The following BCAP31 variants were observed in gnomAD, a reference collection of about 807,000 sequenced individuals.
BCAP31 encodes B-cell receptor-associated protein 31.
For missense variants in BCAP31, 124 were observed against 193.0 expected (o/e 0.64, Z 2.12); for synonymous variants, 75 against 80.9 (o/e 0.93, Z 0.39).
At chrX:153,711,080 A>G (rs2091588211) in intron 4 of BCAP31, among the ~76,000 whole-genome samples, 1 of 111,812 alleles carries the variant, frequency 8.9e-6, no homozygotes, top group African/African-American at 3.3e-5. Context: ...AGGCCTGGCC[A>G]GAAGTCCCAC....
intron 1 of BCAP31, chrX:153,723,636 C>A (rs2148386498): frequency 1.7e-6 from 2 of 1,165,035 alleles, no homozygotes; most frequent in South Asian, 1.9e-5. Flanking sequence ...AGTGCCAGGG[C>A]ACCAAGAGGA....
intron 4 of BCAP31, among the ~76,000 whole-genome samples, chrX:153,707,593 G>A (rs782628573): frequency 7.1e-5 from 8 of 112,022 alleles, no homozygotes; most frequent in East Asian, 2.8e-4. Context: ...AGCAACAGAG[G>A]AGACAGAAGA....
At position 153,723,268 on chromosome X, in the gene BCAP31, AG is replaced by A; in HGVS notation, c.-25del. ...ATCCTGTTGCTAGAAGGTTTCCCAC[AG>A]GAAGATGTGAGCTTGTTTCCTGGCA... On this transcript the variant is annotated 5_prime_UTR_variant, in exon 2 of 8. Coordinates refer to ENST00000345046, the MANE Select transcript of BCAP31 (RefSeq NM_001256447.2). 8.3e-7 allele frequency: 1 copy of A among 1,204,658 alleles called. No homozygotes were observed. The highest frequency in any genetic ancestry group is 1.1e-6 in the Non-Finnish European group (1 of 891,606).
chrX:153,720,177 C>T (rs2091654930), intron 3 of BCAP31, among the ~76,000 whole-genome samples: 1 of 111,668 alleles, frequency 9.0e-6, no homozygotes, highest in African/African-American at 3.3e-5. Flanking sequence ...TGGTGAGCAG[C>T]ACTACTCAGA....
intron 4 of BCAP31, among the ~76,000 whole-genome samples, chrX:153,709,452 G>A (rs1419679175): frequency 1.8e-5 from 2 of 112,369 alleles, no homozygotes; most frequent in Non-Finnish European, 3.8e-5. Flanking sequence ...GAGTAAGGCA[G>A]AGAAGGCAGT....
At chrX:153,718,440 G>C (rs1408569701) in intron 3 of BCAP31, among the ~76,000 whole-genome samples, 1 of 110,809 alleles carries the variant, frequency 9.0e-6, no homozygotes, top group Non-Finnish European at 1.9e-5. Context: ...ACCAGCTCAG[G>C]CGTGGAATGC....
rs781811702 is a variant in BCAP31 at position 153,706,609 on chromosome X, A to G, written c.342-2515T>C. ...TTCCTCCCAGCCACTCTTATCCCCG[A>G]AAGGGTTTTCTCTGTGGCCCAGACT... is the stretch of plus-strand genomic sequence containing the variant. On this transcript the variant is annotated intron_variant, in intron 4 of 7. Coordinates refer to ENST00000345046, the MANE Select transcript of BCAP31 (RefSeq NM_001256447.2). Among the ~76,000 whole-genome samples the G allele has an allele frequency of 3.6e-5, 4 of 112,436 alleles. No individual in the cohort carries two copies. The South Asian group carries it at 1.5e-3, about 42-fold the overall frequency.
intron 4 of BCAP31, among the ~76,000 whole-genome samples, chrX:153,714,409 C>T (rs782582405): frequency 2.1e-4 from 23 of 111,125 alleles, no homozygotes; most frequent in Non-Finnish European, 3.6e-4. Context: ...TGACTCCTCC[C>T]AGCCTTCCTG....
intron 4 of BCAP31, chrX:153,705,318 C>T (rs2091546825): frequency 8.8e-6 from 1 of 113,172 alleles, no homozygotes; most frequent in Non-Finnish European, 1.9e-5. Flanking sequence ...CTCGGCAGAG[C>T]CCCTTTCCAG....
At chrX:153,705,214 T>G (rs2091546303) in intron 4 of BCAP31, 1 of 113,389 alleles carries the variant, frequency 8.8e-6, no homozygotes, top group Non-Finnish European at 1.9e-5. Flanking sequence ...TCACAGCCTC[T>G]GCTCATGGCC....
chrX:153,717,511 C>T (rs1314370106), intron 3 of BCAP31, among the ~76,000 whole-genome samples: 1 of 112,507 alleles, frequency 8.9e-6, no homozygotes, highest in African/African-American at 3.2e-5. Flanking sequence ...GATCCCAGCT[C>T]ACTGCAACCT....
At chrX:153,703,932 C>T in intron 5 of BCAP31, 27 bp downstream of exon 5, 1 of 1,207,630 alleles carries the variant, frequency 8.3e-7, no homozygotes, top group Non-Finnish European at 1.1e-6. Context: ...CAGGACGCCC[C>T]ATGGTGGGTC....
intron 3 of BCAP31, among the ~76,000 whole-genome samples, chrX:153,716,578 CA>C (rs782072647): frequency 0.014 from 384 of 27,343 alleles, 2 homozygotes; most frequent in African/African-American, 0.026. Flanking sequence ...TCTCTCTCAA[CA>C]AAAAAAAAAA....
At chrX:153,701,365 G>A (rs2091517031) in intron 7 of BCAP31, among the ~76,000 whole-genome samples, 1 of 112,897 alleles carries the variant, frequency 8.9e-6, no homozygotes, top group Non-Finnish European at 1.9e-5. Flanking sequence ...GAGGGCATGG[G>A]TGCCCCCTTT....
At chrX:153,722,541 T>C (rs188411126) in intron 2 of BCAP31, among the ~76,000 whole-genome samples, 2 of 112,260 alleles carry the variant, frequency 1.8e-5, no homozygotes, top group East Asian at 2.8e-4. Flanking sequence ...TCAAAGATAA[T>C]TTTTCACGAA....
chrX:153,715,337 G>A (rs2091619476), intron 4 of BCAP31: 2 of 481,991 alleles, frequency 4.1e-6, no homozygotes, highest in Non-Finnish European at 6.8e-6. Flanking sequence ...GATATTTCAG[G>A]CAGCCCTCTC....
chrX:153,718,317 C>CAAAAAA (rs60097594), intron 3 of BCAP31, among the ~76,000 whole-genome samples: 1 of 30,482 alleles, frequency 3.3e-5, no homozygotes, highest in Non-Finnish European at 6.6e-5. Flanking sequence ...GATTCCATCT[C>CAAAAAA]AAAAAAAAAA....
At chrX:153,721,466 A>G (rs1221239034) in intron 2 of BCAP31, among the ~76,000 whole-genome samples, 1 of 103,665 alleles carries the variant, frequency 9.6e-6, no homozygotes. Context: ...ATGCTGGTCC[A>G]CGTATAGATC....
intron 3 of BCAP31, among the ~76,000 whole-genome samples, chrX:153,717,399 C>T (rs1383209545): frequency 8.9e-6 from 1 of 112,321 alleles, no homozygotes; most frequent in Non-Finnish European, 1.9e-5. Flanking sequence ...AATAGACTCC[C>T]ATATGAGAGG....
Sources: allele counts gnomAD v4.1 joint callset (sites outside exome capture counted in the v4.1 genomes callset), GRCh38; gene constraint gnomAD v4.1.1; transcripts MANE v1.5; gene names NCBI Gene and HGNC (gene_info 2026-07-23, HGNC 2026-07-21).